PLA2R1: variants seen among roughly 807,000 people sequenced by gnomAD.
PLA2R1 encodes secretory phospholipase A2 receptor.
Under a neutral mutation model 195.9 loss-of-function variants are expected in PLA2R1, and 158 were observed. The observed-to-expected ratio is 0.81, with a 90% CI of 0.71 to 0.92. The LOEUF (loss-of-function observed/expected upper bound fraction) is 0.92, where lower values mean the gene tolerates loss of function less well. PLA2R1 is among the 40% of genes least tolerant of loss of function. The pLI is 0.00. For missense variants in PLA2R1, 1,626 were observed against 1,764.6 expected, an observed-to-expected ratio of 0.92 and a Z score of 1.41; for synonymous variants, 586 against 598.2, an observed-to-expected ratio of 0.98 and a Z score of 0.30.
downstream of PLA2R1, chr2:159,931,914 A>T (rs1234460602): frequency 6.6e-6 from 1 of 152,254 alleles, no homozygotes; most frequent in East Asian, 1.9e-4. Context: ...ATGTTAAAAC[A>T]ATTCTTATGA....
At chr2:160,005,939 A>G in intron 10 of PLA2R1, 118 bp from the exon 11 acceptor site, 1 of 713,530 alleles carries the variant, frequency 1.4e-6, no homozygotes. Flanking sequence ...TCAATTCTTT[A>G]GAACATGGAA....
At chr2:160,034,967 C>G (rs1464079001) in intron 3 of PLA2R1, among the ~76,000 whole-genome samples, 3 of 152,142 alleles carry the variant, frequency 2.0e-5, no homozygotes, top group Admixed American at 6.5e-5. Context: ...TTGGTCAATA[C>G]TTTGTTTCAT....
rs1447797900 is a variant in PLA2R1 at position 159,933,470 on chromosome 2, CTTG to C, written c.*8305_*8307del. Reference sequence around the variant, plus strand: ...CTACAATTTAATACATATCACTTATCTTGTTAAGCCTTTCTCTACTTCTGACAG... The same window carrying C: ...CTACAATTTAATACATATCACTTATCTTAAGCCTTTCTCTACTTCTGACAG... On this transcript the variant is annotated 3_prime_UTR_variant, in exon 30 of 30. Coordinates refer to ENST00000283243, the MANE Select transcript of PLA2R1 (RefSeq NM_007366.5). 6.6e-6 allele frequency: 1 copy of C among 152,212 alleles called. No individual in the cohort carries two copies. The highest frequency in any genetic ancestry group is 1.5e-5 in the Non-Finnish European group (1 of 68,044). 9.4% of individuals were successfully genotyped at this position (152,212 alleles called of 1,614,324 possible).
At chr2:159,977,143 T>C in intron 15 of PLA2R1, 141 bp downstream of exon 15, 5 of 643,358 alleles carry the variant, frequency 7.8e-6, no homozygotes, top group South Asian at 2.3e-5. Flanking sequence ...CCATTTCCTA[T>C]AGAAACATTT....
At position 160,057,836 on chromosome 2, in the gene PLA2R1, C is replaced by T. The variant is rs376258854; in HGVS notation, c.109+4459G>A. On this transcript the variant is annotated intron_variant, in intron 1 of 29. Coordinates refer to ENST00000283243, the MANE Select transcript of PLA2R1 (RefSeq NM_007366.5). ...AACCTGGAGCTCACTCACCTGCAGA[C>T]AGTCCTCGTGCACTCCCACTGACTT... Among the ~76,000 whole-genome samples, 31 of 152,328 alleles carry T rather than the reference C, an allele frequency of 2.0e-4. No individual in the cohort carries two copies. The East Asian group carries it at 3.7e-3, about 18-fold the overall frequency.
At position 159,947,545 on chromosome 2, in the gene PLA2R1, C is replaced by A. The variant is rs557023024; in HGVS notation, c.3724G>T (p.Glu1242Ter). Residue 1242 changes from glutamate (E) to a stop codon, truncating the protein, a stop_gained, in exon 26 of 30, where the codon GAA becomes TAA. Coordinates refer to ENST00000283243, the MANE Select transcript of PLA2R1 (RefSeq NM_007366.5). LOFTEE classifies it high-confidence loss of function. ...GTTTCTGAGCACAACTCTGGGTGTT[C>A]AGATTGTCTTGTTTCTGTGAAGAAA... The part of the protein sequence containing the change: ...CHVPPETRQS[E>*]HPELCSETSI... The A allele has an allele frequency of 6.2e-7, 1 of 1,612,920 alleles. No homozygotes were observed. Among genetic ancestry groups the A allele is most frequent in the Admixed American group, 1.7e-5 (1 of 59,854 alleles).
intron 8 of PLA2R1, among the ~76,000 whole-genome samples, chr2:160,019,766 C>T (rs1014063271): frequency 1.3e-5 from 2 of 152,180 alleles, no homozygotes; most frequent in Non-Finnish European, 2.9e-5. Flanking sequence ...ACTTGCTACC[C>T]TCTGCATGTT....
chr2:160,062,110 A>C (rs1695999781), intron 1 of PLA2R1, among the ~76,000 whole-genome samples, 185 bp downstream of exon 1: 1 of 151,630 alleles, frequency 6.6e-6, no homozygotes, highest in Non-Finnish European at 1.5e-5. Context: ...CTGGGCCTAG[A>C]CAAGAGGCTG....
intron 20 of PLA2R1, among the ~76,000 whole-genome samples, chr2:159,961,405 C>T (rs906301680): frequency 1.3e-5 from 2 of 152,134 alleles, no homozygotes; most frequent in African/African-American, 4.8e-5. Flanking sequence ...TAAAAAAATA[C>T]GGATGCCTGG....
At chr2:159,985,298 G>A (rs1338364887) in intron 12 of PLA2R1, among the ~76,000 whole-genome samples, 1 of 152,194 alleles carries the variant, frequency 6.6e-6, no homozygotes, top group African/African-American at 2.4e-5. Context: ...CACATTCACA[G>A]CTGCTTCATG....
At chr2:160,012,640 C>T (rs1028038729) in intron 10 of PLA2R1, among the ~76,000 whole-genome samples, 3 of 152,110 alleles carry the variant, frequency 2.0e-5, no homozygotes, top group Non-Finnish European at 4.4e-5. Context: ...TGGCTGGGCG[C>T]GGTGGCTCAT....
At chr2:159,993,721 G>A (rs1265343200) in intron 11 of PLA2R1, among the ~76,000 whole-genome samples, 2 of 151,984 alleles carry the variant, frequency 1.3e-5, no homozygotes, top group African/African-American at 4.8e-5. Flanking sequence ...ATTCCTTGAA[G>A]AGATTCCCAT....
chr2:160,040,450 T>C (rs1336721522), intron 3 of PLA2R1, among the ~76,000 whole-genome samples: 2 of 152,212 alleles, frequency 1.3e-5, no homozygotes, highest in African/African-American at 4.8e-5. Flanking sequence ...TATAGATGTA[T>C]ATTGCATAGA....
At chr2:159,966,691 A>C (rs1457015550) in intron 20 of PLA2R1, among the ~76,000 whole-genome samples, 1 of 152,218 alleles carries the variant, frequency 6.6e-6, no homozygotes, top group Non-Finnish European at 1.5e-5. Context: ...AATATAACTG[A>C]ACACTTAGAT....
intron 20 of PLA2R1, among the ~76,000 whole-genome samples, chr2:159,961,887 G>A (rs958080570): frequency 2.2e-4 from 33 of 152,278 alleles, no homozygotes; most frequent in Middle Eastern, 3.4e-3. Flanking sequence ...AAATGCTAAG[G>A]ATTTGACTTG....
intron 3 of PLA2R1, among the ~76,000 whole-genome samples, chr2:160,033,978 C>T (rs1694017435): frequency 6.6e-6 from 1 of 152,132 alleles, no homozygotes; most frequent in Non-Finnish European, 1.5e-5. Flanking sequence ...GATGGCCTTT[C>T]CCAAAGTGTG....
chr2:160,001,744 G>C (rs62175470), intron 11 of PLA2R1, among the ~76,000 whole-genome samples: 58,662 of 151,604 alleles, frequency 0.39, 14,177 homozygotes, highest in Non-Finnish European at 0.54. Context: ...TACCGATTTT[G>C]ACACCACAGG....
At chr2:159,950,383 G>A (rs748559961) in intron 24 of PLA2R1, among the ~76,000 whole-genome samples, 2 of 152,132 alleles carry the variant, frequency 1.3e-5, no homozygotes, top group Non-Finnish European at 2.9e-5. Context: ...CTCTTGGAGG[G>A]CAATTTGGTA....
At chr2:159,977,676 GC>G (rs1318296393) in intron 14 of PLA2R1, among the ~76,000 whole-genome samples, 1 of 152,142 alleles carries the variant, frequency 6.6e-6, no homozygotes, top group Non-Finnish European at 1.5e-5. Flanking sequence ...GGTGGCTCAT[GC>G]CTGTAATCCC....
Sources: gnomAD v4.1 joint callset for allele counts (sites outside exome capture counted in the v4.1 genomes callset) on GRCh38, gnomAD v4.1.1 for gene constraint, MANE v1.5 for transcripts, NCBI Gene and HGNC (gene_info 2026-07-23, HGNC 2026-07-21) for gene names.